The following KCNE1 variants were observed in gnomAD, a reference collection of about 807,000 sequenced individuals.
KCNE1 encodes the protein potassium voltage-gated channel subfamily E member 1.
In KCNE1, 1 loss-of-function variant was observed where a neutral mutation model predicts 2.9. The observed-to-expected ratio is 0.34, with a 90% CI of 0.12 to 1.62. The LOEUF (loss-of-function observed/expected upper bound fraction) is 1.62, where lower values mean the gene tolerates loss of function less well. Ranked by LOEUF, KCNE1 falls within the 40% of genes most tolerant of loss-of-function variation. The pLI, the probability that KCNE1 is intolerant of heterozygous loss-of-function variation, is 0.36. For missense variants in KCNE1, 45 were observed against 150.5 expected, an observed-to-expected ratio of 0.30 and a Z score of 3.67; for synonymous variants, 23 against 65.4, an observed-to-expected ratio of 0.35 and a Z score of 3.13.
intron 2 of KCNE1, among the ~76,000 whole-genome samples, chr21:34,505,316 G>A (rs990380558): frequency 1.3e-5 from 2 of 152,096 alleles, no homozygotes; most frequent in Non-Finnish European, 2.9e-5. Context: ...TGTATTTTTA[G>A]TAGAGATGGG....
At chr21:34,505,414 C>A (rs74658406) in intron 2 of KCNE1, among the ~76,000 whole-genome samples, 1 of 151,536 alleles carries the variant, frequency 6.6e-6, no homozygotes, top group Non-Finnish European at 1.5e-5. Flanking sequence ...AGATTACAGG[C>A]GCGAGCCACC....
intron 2 of KCNE1, among the ~76,000 whole-genome samples, chr21:34,499,886 G>A (rs891424534): frequency 6.6e-6 from 1 of 152,166 alleles, no homozygotes; most frequent in South Asian, 2.1e-4. Flanking sequence ...TTCATGCTTT[G>A]TGTCTCCACA....
intron 2 of KCNE1, among the ~76,000 whole-genome samples, chr21:34,504,988 G>A (rs554915707): frequency 1.8e-4 from 27 of 152,332 alleles, no homozygotes; most frequent in African/African-American, 3.1e-4. Context: ...AAAACTGACC[G>A]AAGTGATGGT....
intron 2 of KCNE1, among the ~76,000 whole-genome samples, chr21:34,500,312 A>T (rs1199364423): frequency 1.3e-5 from 2 of 152,232 alleles, no homozygotes; most frequent in Non-Finnish European, 2.9e-5. Flanking sequence ...TAAATCCAGT[A>T]AGGGCAAAGC....
At chr21:34,500,947 A>G (rs1368783041) in intron 2 of KCNE1, among the ~76,000 whole-genome samples, 2 of 152,190 alleles carry the variant, frequency 1.3e-5, no homozygotes, top group African/African-American at 4.8e-5. Context: ...AGTTGCCTCA[A>G]CTGCATGCCA....
At chr21:34,503,307 G>A (rs1324999006) in intron 2 of KCNE1, among the ~76,000 whole-genome samples, 2 of 152,162 alleles carry the variant, frequency 1.3e-5, no homozygotes, top group Admixed American at 1.3e-4. Flanking sequence ...AAAATAAACA[G>A]CCAGCTGAAA....
chr21:34,505,354 G>A (rs954168871), intron 2 of KCNE1, among the ~76,000 whole-genome samples: 8 of 152,034 alleles, frequency 5.3e-5, no homozygotes, highest in African/African-American at 1.4e-4. Context: ...AGGCTGGTCT[G>A]GAACTCCTGA....
chr21:34,500,400 T>G (rs1983092825), intron 2 of KCNE1, among the ~76,000 whole-genome samples: 1 of 152,274 alleles, frequency 6.6e-6, no homozygotes, highest in African/African-American at 2.4e-5. Context: ...GACAGTTTCT[T>G]AAAATGATTC....
At chr21:34,504,483 G>A (rs1983362725) in intron 2 of KCNE1, among the ~76,000 whole-genome samples, 2 of 152,146 alleles carry the variant, frequency 1.3e-5, no homozygotes, top group African/African-American at 2.4e-5. Flanking sequence ...AATGTAAAAC[G>A]GTACAGCTGC....
chr21:34,506,719 G>T (rs1172045914), intron 2 of KCNE1, among the ~76,000 whole-genome samples: 1 of 152,216 alleles, frequency 6.6e-6, no homozygotes, highest in African/African-American at 2.4e-5. Context: ...CAAATACATT[G>T]AACTCATTGG....
chr21:34,507,442 G>C (rs115769669), intron 2 of KCNE1, among the ~76,000 whole-genome samples: 2,196 of 152,276 alleles, frequency 0.014, 58 homozygotes, highest in African/African-American at 0.05. Flanking sequence ...AACACACAAG[G>C]ATGAATGTGA....
chr21:34,512,028 T>G lies in KCNE1; in HGVS notation c.-378A>C, dbSNP rs761980459. 6.6e-6 allele frequency: 1 copy of G among 152,328 alleles called. No individual in the cohort carries two copies. Among genetic ancestry groups the G allele is most frequent in the Non-Finnish European group, 1.5e-5 (1 of 68,126 alleles). 9.4% of individuals were successfully genotyped at this position (152,328 alleles called of 1,614,324 possible). ...AGTATGGCTCTCCTTCGAACTCACCTAGACCCTTGCATCAAAGGACTCGGG... is the reference window on the plus strand; with the variant it reads ...AGTATGGCTCTCCTTCGAACTCACCGAGACCCTTGCATCAAAGGACTCGGG... On this transcript the variant is annotated splice_region_variant and 5_prime_UTR_variant, in exon 1 of 4. Transcript: ENST00000399286.
chr21:34,503,665 T>C (rs1425834262), intron 2 of KCNE1, among the ~76,000 whole-genome samples: 2 of 152,210 alleles, frequency 1.3e-5, no homozygotes, highest in African/African-American at 2.4e-5. Flanking sequence ...CTCATCACTC[T>C]GGAGACTTCA....
At chr21:34,505,447 T>G (rs1471477455) in intron 2 of KCNE1, among the ~76,000 whole-genome samples, 2 of 145,786 alleles carry the variant, frequency 1.4e-5, no homozygotes, top group Non-Finnish European at 3.0e-5. Flanking sequence ...CTTGATCACC[T>G]TTTTTTTTTT....
intron 2 of KCNE1, among the ~76,000 whole-genome samples, chr21:34,505,280 C>T (rs1311818430): frequency 6.6e-6 from 1 of 152,074 alleles, no homozygotes; most frequent in Admixed American, 6.6e-5. Context: ...ATTACAGGCA[C>T]CCGACACCAC....
intron 2 of KCNE1, chr21:34,510,540 C>T (rs935136086): frequency 6.5e-6 from 1 of 152,936 alleles, no homozygotes; most frequent in African/African-American, 2.4e-5. Flanking sequence ...CTCAGGCTCT[C>T]TCCCCAATTT....
At chr21:34,508,310 G>A (rs1273447608) in intron 2 of KCNE1, among the ~76,000 whole-genome samples, 2 of 151,920 alleles carry the variant, frequency 1.3e-5, no homozygotes, top group Non-Finnish European at 1.5e-5. Context: ...TTATAGGCGT[G>A]AGCCACTGCA....
intron 2 of KCNE1, among the ~76,000 whole-genome samples, chr21:34,509,021 A>G (rs1983675995): frequency 6.6e-6 from 1 of 152,242 alleles, no homozygotes. Flanking sequence ...GTTTAAAAAC[A>G]CCACAAATTC....
intron 2 of KCNE1, among the ~76,000 whole-genome samples, chr21:34,497,136 G>A (rs537697390): frequency 6.6e-6 from 1 of 152,308 alleles, no homozygotes; most frequent in East Asian, 1.9e-4. Context: ...TATCTTTTAA[G>A]TGGAGCATTT....
Sources: allele counts gnomAD v4.1 joint callset (sites outside exome capture counted in the v4.1 genomes callset), GRCh38; gene constraint gnomAD v4.1.1; transcripts MANE v1.5; gene names NCBI Gene and HGNC (gene_info 2026-07-23, HGNC 2026-07-21).